The following CPLANE1 variants were observed in gnomAD, a reference collection of about 807,000 sequenced individuals.
CPLANE1 encodes the protein ciliogenesis and planar polarity effector complex subunit 1.
CPLANE1 carries 263 observed loss-of-function variants against 362.5 expected under a neutral mutation model. The ratio of observed to expected loss-of-function variants is 0.73; its 90% CI spans 0.66 to 0.80. The LOEUF is 0.80. CPLANE1 is among the 30% of genes least tolerant of loss of function. CPLANE1 has a pLI of 0.00. For synonymous variants in CPLANE1, 1,212 were observed against 1,302.6 expected (o/e 0.93, Z 1.50); for missense variants, 3,461 against 3,793.4 (o/e 0.91, Z 2.30).
At position 37,224,568 on chromosome 5, in the gene CPLANE1, A is replaced by G. The variant is rs1011292016; in HGVS notation, c.2464T>C (p.Cys822Arg). The G allele has an allele frequency of 1.3e-6, 2 of 1,551,194 alleles. No individual in the cohort carries two copies. The highest frequency in any genetic ancestry group is 2.7e-5 in the African/African-American group (2 of 73,038). ...LQANLQSTGD[C>R]LNQTLELKSI... ...TTAAGTTCTAAGGTTTGATTCAAGC[A>G]ATCTCCAGTACTCTGTAGGTTAGCC... is the stretch of plus-strand genomic sequence containing the variant. Residue 822 changes from cysteine (C) to arginine (R), a missense_variant, in exon 13 of 53, where the codon TGC (cysteine) becomes CGC (arginine). Cys to Arg is a radical substitution (Grantham distance 180, BLOSUM62 -3). Coordinates refer to ENST00000651892, the MANE Select transcript of CPLANE1 (RefSeq NM_001384732.1).
At position 37,195,921 on chromosome 5, in the gene CPLANE1, C is replaced by T. The variant is rs752334335; in HGVS notation, c.3748G>A (p.Ala1250Thr). 2.1e-5 allele frequency: 34 copies of T among 1,612,704 alleles called. No individual in the cohort carries two copies. The highest frequency in any genetic ancestry group is 6.6e-5 in the South Asian group (6 of 90,928). ...SLLNYCKGGI[A>T]FFRPGAAGDH... ...CCAGCTGCTCCAGGTCTAAAAAATGCGATACCTCCTTTACAGTAATTAAGT... is the reference window on the plus strand; with the variant it reads ...CCAGCTGCTCCAGGTCTAAAAAATGTGATACCTCCTTTACAGTAATTAAGT... The change falls in exon 21 of 53, where the codon GCA becomes ACA. Residue 1250 changes from alanine (A) to threonine (T), a missense_variant. Coordinates refer to ENST00000651892, the MANE Select transcript of CPLANE1 (RefSeq NM_001384732.1).
Position 37,209,982 on chromosome 5 carries a change from A to C in CPLANE1, c.2921-3557T>G. 2 of 934,508 alleles carry C rather than the reference A, an allele frequency of 2.1e-6. No homozygotes were observed. The highest frequency in any genetic ancestry group is 3.5e-6 in the Non-Finnish European group (2 of 573,356). 57.9% of individuals were successfully genotyped at this position (934,508 alleles called of 1,614,324 possible). On this transcript the variant is annotated intron_variant, in intron 16 of 52. Coordinates refer to ENST00000651892, the MANE Select transcript of CPLANE1 (RefSeq NM_001384732.1). The surrounding 1 kb of genome is among the most constrained non-coding windows in gnomAD (Gnocchi z 4.6). ...AAAGCTAAATGAATATAAGAGAGAA[A>C]TAGAAGAGCAACTTCGGGAAGAAAT...
At chr5:37,141,267 T>C (rs532931756) in intron 44 of CPLANE1, 254 of 985,332 alleles carry the variant, frequency 2.6e-4, no homozygotes, top group Non-Finnish European at 3.0e-4. Context: ...TAAAATGGAG[T>C]GTAAACTTCT....
intron 28 of CPLANE1, among the ~76,000 whole-genome samples, 183 bp from the exon 29 acceptor site, chr5:37,179,626 T>A (rs1378773355): frequency 6.6e-6 from 1 of 152,236 alleles, no homozygotes; most frequent in Non-Finnish European, 1.5e-5. Flanking sequence ...AAATCCCAGA[T>A]GAGCCTTGAG....
Position 37,147,193 on chromosome 5 carries a change from C to T in CPLANE1, c.8461+988G>A, listed in dbSNP as rs114357523. Among the ~76,000 whole-genome samples, 493 of 152,262 alleles carry T rather than the reference C, an allele frequency of 3.2e-3. 8 individuals are homozygous for T. The highest frequency in any genetic ancestry group is 0.011 in the African/African-American group (477 of 41,564). ...ATACACATACACTACATACAACCAA[C>T]AGAAAATGTTTGGCCTCTTCAAATA... is the stretch of plus-strand genomic sequence containing the variant. On this transcript the variant is annotated intron_variant, in intron 43 of 52. Transcript: ENST00000651892.
intron 43 of CPLANE1, among the ~76,000 whole-genome samples, chr5:37,144,318 G>C (rs562734075): frequency 6.8e-6 from 1 of 146,726 alleles, no homozygotes; most frequent in South Asian, 2.2e-4. Context: ...GTGAGGCAGA[G>C]AATTGCTTGA....
intron 5 of CPLANE1, among the ~76,000 whole-genome samples, chr5:37,243,817 G>A (rs1362235863): frequency 4.9e-5 from 7 of 143,562 alleles, no homozygotes; most frequent in East Asian, 2.0e-4. Flanking sequence ...TAATATATAC[G>A]ATATATATTA....
At chr5:37,143,894 C>T (rs1770567979) in intron 43 of CPLANE1, among the ~76,000 whole-genome samples, 1 of 149,890 alleles carries the variant, frequency 6.7e-6, no homozygotes, top group East Asian at 2.0e-4. Flanking sequence ...AAGATTGTGC[C>T]ATTGCACTCC....
chr5:37,143,526 C>CT (rs1427955888), intron 43 of CPLANE1, among the ~76,000 whole-genome samples: 1 of 152,090 alleles, frequency 6.6e-6, no homozygotes, highest in African/African-American at 2.4e-5. Flanking sequence ...TAATGAATAG[C>CT]TAAAACAGCA....
At chr5:37,191,594 C>T (rs1166823884) in intron 21 of CPLANE1, among the ~76,000 whole-genome samples, 1 of 152,104 alleles carries the variant, frequency 6.6e-6, no homozygotes, top group East Asian at 1.9e-4. Context: ...ATGCCTGAAC[C>T]CGGGAGGCAG....
chr5:37,243,680 C>T (rs1321609676), intron 5 of CPLANE1, among the ~76,000 whole-genome samples: 1 of 146,074 alleles, frequency 6.8e-6, no homozygotes, highest in East Asian at 2.0e-4. Context: ...AATATATATA[C>T]ATATATAATA....
chr5:37,162,545 G>A lies in CPLANE1; in HGVS notation c.7610C>T (p.Thr2537Ile). 6 of 1,610,486 alleles carry A rather than the reference G, an allele frequency of 3.7e-6. No individual in the cohort carries two copies. The highest frequency in any genetic ancestry group is 5.1e-6 in the Non-Finnish European group (6 of 1,177,250). The change falls in exon 38 of 53, where the codon ACT (threonine) becomes ATT (isoleucine). Residue 2537 changes from threonine (T) to isoleucine (I), a missense_variant. This residue lies in a region of CPLANE1 where 3,380 missense variants were observed against 3,666.1 expected (regional missense o/e 0.92). Coordinates refer to ENST00000651892, the MANE Select transcript of CPLANE1 (RefSeq NM_001384732.1). ...VPFEMLQDDN[T>I]SAGLHFMASV... ...GGCCATGAAATGCAATCCAGCTGAA[G>A]TATTATCATCTTGTAGCATTTCTTA...
chr5:37,227,707 T>C lies in CPLANE1; in HGVS notation c.1232A>G (p.Tyr411Cys). The C allele has an allele frequency of 6.4e-7, 1 of 1,551,470 alleles. No individual in the cohort carries two copies. Residue 411 changes from tyrosine (Y) to cysteine (C), a missense_variant, in exon 10 of 53, where the codon TAC becomes TGC. By Grantham distance (194) the Tyr-to-Cys change is radical. Around this residue, in one of 2 missense-constraint regions of CPLANE1, gnomAD observed 3,380 missense variants for 3,666.1 expected, o/e 0.92. Coordinates refer to ENST00000651892, the MANE Select transcript of CPLANE1 (RefSeq NM_001384732.1). Reference sequence around the variant, plus strand: ...CATATATCCATCAGATATAACGAGGTAGGGTAACCGTGAGTGTGCTTTTAT... The same window carrying C: ...CATATATCCATCAGATATAACGAGGCAGGGTAACCGTGAGTGTGCTTTTAT... ...FSIKAHSRLP[Y>C]LVISDGYMVT...
At chr5:37,102,899 T>A (rs564600004), downstream of CPLANE1, among the ~76,000 whole-genome samples, 1 of 152,224 alleles carries the variant, frequency 6.6e-6, no homozygotes, top group South Asian at 2.1e-4. Flanking sequence ...TCTGTAGATA[T>A]CTATCAGGTC....
rs552488010 is a variant in CPLANE1, at chr5:37,117,949, G to A, written c.9310+2267C>T. Among the ~76,000 whole-genome samples the A allele has an allele frequency of 3.3e-5, 5 of 152,296 alleles. No homozygotes were observed. The South Asian group carries it at 1.0e-3, about 32-fold the overall frequency. On this transcript the variant is annotated intron_variant, in intron 50 of 52. Transcript: ENST00000651892. ...TCAGATGTTAAGAAACCATGGCTCA[G>A]GTTTTTAAAACCTTGACAATTTTAG...
intron 15 of CPLANE1, among the ~76,000 whole-genome samples, chr5:37,214,892 A>G (rs1793607865): frequency 6.6e-6 from 1 of 152,230 alleles, no homozygotes; most frequent in Admixed American, 6.5e-5. Context: ...AAATCATGAC[A>G]TTACAAGTAA....
chr5:37,144,025 A>G (rs930901410), intron 43 of CPLANE1, among the ~76,000 whole-genome samples: 6 of 151,814 alleles, frequency 4.0e-5, no homozygotes, highest in African/African-American at 1.5e-4. Flanking sequence ...AAAAATGGGG[A>G]GGAAGCAGTA....
chr5:37,224,639 A>T lies in CPLANE1; in HGVS notation c.2393T>A (p.Met798Lys), dbSNP rs1485682690. Residue 798 changes from methionine to lysine, a missense_variant, in exon 13 of 53, where the codon ATG (methionine) becomes AAG (lysine). Met to Lys is a moderately conservative substitution (Grantham distance 95). Around this residue, in one of 2 missense-constraint regions of CPLANE1, gnomAD observed 3,380 missense variants for 3,666.1 expected, o/e 0.92. Coordinates refer to ENST00000651892, the MANE Select transcript of CPLANE1 (RefSeq NM_001384732.1). ...CTTGACAGTAGATGCTTCATGTGTC[A>T]TCTTTTCAGTTAACTGACTATCAGC... ...PEADSQLTEK[M>K]THEASTVKSL... is the part of the protein sequence containing the mutation. 8 of 1,551,422 alleles carry T rather than the reference A, an allele frequency of 5.2e-6. No individual in the cohort carries two copies. The East Asian group carries it at 1.7e-4, about 33-fold the overall frequency.
chr5:37,226,272 T>C, intron 12 of CPLANE1, 32 bp downstream of exon 12: 2 of 1,392,422 alleles, frequency 1.4e-6, no homozygotes, highest in East Asian at 5.1e-5. Context: ...ACTAAGCTAA[T>C]AGTATCCCAG....
Sources: allele counts gnomAD v4.1 joint callset (sites outside exome capture counted in the v4.1 genomes callset), GRCh38; gene constraint gnomAD v4.1.1; regional missense constraint gnomAD v4.1.1; non-coding constraint Gnocchi (gnomAD v3.1); transcripts MANE v1.5; gene names NCBI Gene and HGNC (gene_info 2026-07-23, HGNC 2026-07-21).